ELK4: variants seen among roughly 807,000 people sequenced by gnomAD.
ELK4 encodes the protein ETS domain-containing protein Elk-4.
ELK4 carries 16 observed loss-of-function variants against 29.6 expected under a neutral mutation model. That is an observed-to-expected ratio of 0.54 (90% CI 0.37 to 0.82). The LOEUF (loss-of-function observed/expected upper bound fraction) is 0.82. ELK4 is among the 40% of genes least tolerant of loss of function. ELK4 has a pLI of 0.00. For synonymous variants in ELK4, 213 were observed against 191.1 expected (o/e 1.11, Z -0.95); for missense variants, 465 against 507.1 (o/e 0.92, Z 0.80).
intron 2 of ELK4, among the ~76,000 whole-genome samples, chr1:205,621,131 G>T (rs1298428274): frequency 6.9e-6 from 1 of 144,730 alleles, no homozygotes; most frequent in African/African-American, 2.5e-5. Flanking sequence ...GGAGGCGGAG[G>T]TTGCAGTGAG....
intron 4 of ELK4, among the ~76,000 whole-genome samples, 164 bp downstream of exon 4, chr1:205,618,793 A>T (rs544747964): frequency 5.9e-4 from 90 of 152,346 alleles, no homozygotes; most frequent in Non-Finnish European, 1.1e-3. Flanking sequence ...ACTGCACTCC[A>T]GCCTGGGTGA....
rs570585764 is a variant in ELK4, at chr1:205,614,772, T to C, written c.*1774A>G. 1 of 227,696 alleles carries C rather than the reference T, an allele frequency of 4.4e-6. No homozygotes were observed. Among genetic ancestry groups the C allele is most frequent in the South Asian group, 1.8e-4 (1 of 5,500 alleles). 14.1% of individuals were successfully genotyped at this position (227,696 alleles called of 1,614,324 possible). ...AACAGTGTCAGTCTGAGCCTTCAAG[T>C]TCTTACTTCTTCATTTAGTTCATGT... is the stretch of plus-strand genomic sequence containing the variant. On this transcript the variant is annotated 3_prime_UTR_variant, in exon 5 of 5. Transcript: ENST00000357992.
At chr1:205,624,754 C>T (rs1041609776) in intron 1 of ELK4, among the ~76,000 whole-genome samples, 3 of 152,250 alleles carry the variant, frequency 2.0e-5, no homozygotes, top group Admixed American at 6.5e-5. Context: ...GCATACCCGG[C>T]CTCTACCCAC....
Position 205,614,828 on chromosome 1 carries a change from C to A in ELK4, c.*1718G>T. The A allele has an allele frequency of 4.4e-6, 1 of 225,806 alleles. No homozygotes were observed. Among genetic ancestry groups the A allele is most frequent in the Non-Finnish European group, 8.8e-6 (1 of 113,544 alleles). The allele number at this position is 225,806 out of a possible 1,614,324, so 14.0% of individuals were successfully genotyped here. On this transcript the variant is annotated 3_prime_UTR_variant, in exon 5 of 5. Transcript: ENST00000357992. ...TACAGGATTAGAAGACGAGTTTAAC[C>A]GGTGGGAGAGATTGGTGGGGGAGGG...
intron 1 of ELK4, among the ~76,000 whole-genome samples, chr1:205,629,731 T>A: frequency 1.0e-5 from 1 of 98,772 alleles, no homozygotes; most frequent in Non-Finnish European, 2.1e-5. Context: ...AATAAATAAA[T>A]AAAATAAAAG....
chr1:205,623,304 C>G (rs1248934530), intron 2 of ELK4, among the ~76,000 whole-genome samples: 2 of 149,946 alleles, frequency 1.3e-5, no homozygotes, highest in African/African-American at 4.9e-5. Context: ...CAACAGAAAA[C>G]AAGGAATCTT....
chr1:205,616,424 T>G lies in ELK4; in HGVS notation c.*122A>C, dbSNP rs957115666. 5.9e-5 allele frequency: 50 copies of G among 849,414 alleles called. No individual in the cohort carries two copies. The Admixed American group carries it at 1.1e-3, about 19-fold the overall frequency. The allele number at this position is 849,414 out of a possible 1,614,324, so 52.6% of individuals were successfully genotyped here. Reference sequence around the variant, plus strand: ...CTAAAAAGATGTTTTCAATGGGGAATGGCAAAAATCACAATAGTCTATTAT... The same window carrying G: ...CTAAAAAGATGTTTTCAATGGGGAAGGGCAAAAATCACAATAGTCTATTAT... On this transcript the variant is annotated 3_prime_UTR_variant, in exon 5 of 5. Transcript: ENST00000357992.
intron 1 of ELK4, among the ~76,000 whole-genome samples, chr1:205,629,022 C>T (rs1007409722): frequency 1.3e-5 from 2 of 151,696 alleles, no homozygotes; most frequent in African/African-American, 4.8e-5. Context: ...AAAATACAAA[C>T]AATTAGCCAG....
At chr1:205,624,007 T>A (rs1028494604) in intron 1 of ELK4, 116 bp from the exon 2 acceptor site, 1 of 933,400 alleles carries the variant, frequency 1.1e-6, no homozygotes, top group Non-Finnish European at 1.6e-6. Flanking sequence ...CACATTTCTA[T>A]AAGGTAGATA....
rs1353011429 is a variant in ELK4, at chr1:205,631,649, C to A, written c.-27G>T. The A allele has an allele frequency of 6.0e-6, 2 of 332,288 alleles. No individual in the cohort carries two copies. The highest frequency in any genetic ancestry group is 1.2e-5 in the Non-Finnish European group (2 of 160,724). 20.6% of individuals were successfully genotyped at this position (332,288 alleles called of 1,614,324 possible). A position where few individuals can be genotyped will look rare whatever the true frequency, so the allele number is the denominator to read the frequency against. Reference sequence around the variant, plus strand: ...CCGCTCACCGACGCCGCGCGCGGGGCTCCCCCTCGGTCTCCGCCTCGAACA... The same window carrying A: ...CCGCTCACCGACGCCGCGCGCGGGGATCCCCCTCGGTCTCCGCCTCGAACA... On this transcript the variant is annotated 5_prime_UTR_variant, in exon 1 of 5. Coordinates refer to ENST00000357992, the MANE Select transcript of ELK4 (RefSeq NM_001973.4).
chr1:205,624,100 T>A (rs1478756783), intron 1 of ELK4, among the ~76,000 whole-genome samples: 1 of 152,156 alleles, frequency 6.6e-6, no homozygotes, highest in Non-Finnish European at 1.5e-5. Flanking sequence ...AAGTAAACGG[T>A]GAAGCTAAGA....
chr1:205,616,780 C>T lies in ELK4; in HGVS notation c.1198-136G>A. The T allele has an allele frequency of 4.8e-6, 3 of 626,980 alleles. No homozygotes were observed. The Admixed American group carries it at 9.0e-5, about 19-fold the overall frequency. 38.8% of individuals were successfully genotyped at this position (626,980 alleles called of 1,614,324 possible). A position where few individuals can be genotyped will look rare whatever the true frequency, so the allele number is the denominator to read the frequency against. ...CAGGACAAAGGCAGTGGCTGTTTAT[C>T]ATGAAAGAATATGATGTCATAACAA... On this transcript the variant is annotated intron_variant, in intron 4 of 4. Transcript: ENST00000357992.
chr1:205,618,411 T>C (rs1297892059), intron 4 of ELK4, among the ~76,000 whole-genome samples: 1 of 152,208 alleles, frequency 6.6e-6, no homozygotes, highest in Admixed American at 6.5e-5. Context: ...TATTGAACAA[T>C]TCTTGGTCTA....
chr1:205,625,529 C>T, intron 1 of ELK4: 2 of 774,746 alleles, frequency 2.6e-6, no homozygotes, highest in Non-Finnish European at 2.4e-6. Context: ...AAACGGGCGG[C>T]TCCGAGAGCA....
At chr1:205,616,751 C>T (rs1670237347) in intron 4 of ELK4, 107 bp from the exon 5 acceptor site, 2 of 860,850 alleles carry the variant, frequency 2.3e-6, no homozygotes, top group South Asian at 3.8e-5. Context: ...TCTGTAATGG[C>T]TCACAGGACA....
At position 205,614,472 on chromosome 1, in the gene ELK4, GA is replaced by G. The variant is rs34779537; in HGVS notation, c.*2073del. On this transcript the variant is annotated 3_prime_UTR_variant, in exon 5 of 5. Coordinates refer to ENST00000357992, the MANE Select transcript of ELK4 (RefSeq NM_001973.4). ...CATGCAAACTAAATAATTTAATATG[GA>G]AAAAAAAGTCCAATATGTCTGTTCC... 0.15 allele frequency: 33,905 copies of G among 226,726 alleles called. 3,031 individuals are homozygous for G. The highest frequency in any genetic ancestry group is 0.32 in the East Asian group (4,966 of 15,622). The allele number at this position is 226,726 out of a possible 1,614,324, so 14.0% of individuals were successfully genotyped here.
In ELK4 at chr1:205,618,942, T is replaced by C. The variant is rs142627926; in HGVS notation, c.1197+15A>G. 578 of 1,585,280 alleles carry C rather than the reference T, an allele frequency of 3.6e-4. 2 individuals are homozygous for C. The highest frequency in any genetic ancestry group is 1.6e-3 in the South Asian group (141 of 88,554). ...ACATGCTCCAACTACAGAAGACAGA[T>C]ATTTATAAAATTACCTGGAAAAGTG... On this transcript the variant is annotated intron_variant, in intron 4 of 4. Transcript: ENST00000357992.
At chr1:205,624,273 T>C (rs1032300290) in intron 1 of ELK4, among the ~76,000 whole-genome samples, 1 of 152,150 alleles carries the variant, frequency 6.6e-6, no homozygotes, top group Non-Finnish European at 1.5e-5. Context: ...TCAATCACTG[T>C]TGTTAAATTT....
Position 205,615,909 on chromosome 1 carries a change from G to C in ELK4, c.*637C>G. 4.6e-6 allele frequency: 1 copy of C among 216,346 alleles called. No individual in the cohort carries two copies. The highest frequency in any genetic ancestry group is 6.9e-5 in the East Asian group (1 of 14,522). The allele number at this position is 216,346 out of a possible 1,614,324, so 13.4% of individuals were successfully genotyped here. A position where few individuals can be genotyped will look rare whatever the true frequency, so the allele number is the denominator to read the frequency against. On this transcript the variant is annotated 3_prime_UTR_variant, in exon 5 of 5. Coordinates refer to ENST00000357992, the MANE Select transcript of ELK4 (RefSeq NM_001973.4). ...GACAGGATCATACATATGGCTAAGA[G>C]ATCCACCCTGAATAAAGGTAAACAA...
Sources: allele counts gnomAD v4.1 joint callset (sites outside exome capture counted in the v4.1 genomes callset), GRCh38; gene constraint gnomAD v4.1.1; transcripts MANE v1.5; gene names NCBI Gene and HGNC (gene_info 2026-07-23, HGNC 2026-07-21).